CSMD2: variants seen among roughly 807,000 people sequenced by gnomAD.
CSMD2 encodes CUB and sushi domain-containing protein 2.
CSMD2 carries 130 observed loss-of-function variants against 398.5 expected under a neutral mutation model. The ratio of observed to expected loss-of-function variants is 0.33; its 90% CI spans 0.28 to 0.38. The LOEUF is 0.38. Among genes scored for constraint, CSMD2 ranks in the 10% least tolerant of loss-of-function variants. The pLI, the probability that CSMD2 is intolerant of heterozygous loss-of-function variation, is 1.00. For missense variants in CSMD2, 3,829 were observed against 4,764.9 expected (o/e 0.80, Z 5.78); for synonymous variants, 1,828 against 1,908.5 (o/e 0.96, Z 1.10).
At chr1:33,901,819 C>T (rs1247467960) in intron 5 of CSMD2, among the ~76,000 whole-genome samples, 2 of 152,060 alleles carry the variant, frequency 1.3e-5, no homozygotes, top group Non-Finnish European at 2.9e-5. Flanking sequence ...ATGTGCTTGC[C>T]CAAACTCACG....
At chr1:33,961,580 G>A (rs1473363650) in intron 3 of CSMD2, among the ~76,000 whole-genome samples, 2 of 152,218 alleles carry the variant, frequency 1.3e-5, no homozygotes, top group Non-Finnish European at 2.9e-5. Flanking sequence ...CCTCATCAGT[G>A]AGATGAGAGT....
rs143859018 is a variant in CSMD2, at chr1:33,569,015, T to C, written c.8131+359A>G. Among the ~76,000 whole-genome samples, 18 of 152,320 alleles carry C rather than the reference T, an allele frequency of 1.2e-4. No individual in the cohort carries two copies. The East Asian group carries it at 3.5e-3, about 29-fold the overall frequency. Reference sequence around the variant, plus strand: ...GTGTGTAAAATTTGCTAATAGATAATATAAAAGGTATTTTAGGTGTGTTAC... The same window carrying C: ...GTGTGTAAAATTTGCTAATAGATAACATAAAAGGTATTTTAGGTGTGTTAC... On this transcript the variant is annotated intron_variant, in intron 52 of 70. Coordinates refer to ENST00000373381, the MANE Select transcript of CSMD2 (RefSeq NM_001281956.2).
At chr1:34,109,951 G>C (rs764147824) in intron 1 of CSMD2, among the ~76,000 whole-genome samples, 1 of 141,982 alleles carries the variant, frequency 7.0e-6, no homozygotes, top group Non-Finnish European at 1.5e-5. Context: ...TGAGGCAGGA[G>C]AATCGGGTGA....
At chr1:33,925,885 G>A (rs570711485) in intron 4 of CSMD2, among the ~76,000 whole-genome samples, 1 of 152,110 alleles carries the variant, frequency 6.6e-6, no homozygotes, top group South Asian at 2.1e-4. Flanking sequence ...GCCTTTGAAA[G>A]TGTTATTTTC....
At chr1:33,739,707 C>T (rs972782344) in intron 14 of CSMD2, among the ~76,000 whole-genome samples, 1 of 152,152 alleles carries the variant, frequency 6.6e-6, no homozygotes, top group African/African-American at 2.4e-5. Context: ...GATCTGTCTC[C>T]TCAATGTCAA....
chr1:33,955,092 C>A (rs935544816), intron 3 of CSMD2, among the ~76,000 whole-genome samples: 1 of 152,184 alleles, frequency 6.6e-6, no homozygotes, highest in Non-Finnish European at 1.5e-5. Context: ...AGAGGACGAT[C>A]CCGAGTAGAA....
intron 23 of CSMD2, 47 bp downstream of exon 23, chr1:33,700,470 T>A: frequency 6.3e-7 from 1 of 1,596,390 alleles, no homozygotes; most frequent in Non-Finnish European, 8.6e-7. Context: ...ATGAATAAAA[T>A]GGGAAACCCT....
chr1:34,107,436 C>T (rs911555227), intron 1 of CSMD2, among the ~76,000 whole-genome samples: 5 of 152,050 alleles, frequency 3.3e-5, no homozygotes, highest in African/African-American at 1.2e-4. Flanking sequence ...TAATTCATTC[C>T]ATCCTCACAA....
chr1:33,901,004 CA>C (rs1262205294), intron 5 of CSMD2, among the ~76,000 whole-genome samples: 3 of 152,052 alleles, frequency 2.0e-5, no homozygotes, highest in African/African-American at 7.3e-5. Context: ...GCAGAGGGAA[CA>C]AAATGGGAAA....
intron 3 of CSMD2, among the ~76,000 whole-genome samples, chr1:34,003,457 T>C (rs967514312): frequency 2.6e-5 from 4 of 152,178 alleles, no homozygotes; most frequent in Non-Finnish European, 5.9e-5. Flanking sequence ...GCATCCATCA[T>C]GCCCAGACTG....
intron 41 of CSMD2, among the ~76,000 whole-genome samples, 192 bp from the exon 42 acceptor site, chr1:33,605,662 G>A (rs1249718312): frequency 6.6e-6 from 1 of 152,156 alleles, no homozygotes; most frequent in South Asian, 2.1e-4. Context: ...TTATTTTGAG[G>A]ACTAAGTAGG....
At chr1:34,027,364 T>G (rs1478019868) in intron 3 of CSMD2, among the ~76,000 whole-genome samples, 2 of 152,228 alleles carry the variant, frequency 1.3e-5, no homozygotes, top group African/African-American at 4.8e-5. Context: ...TGAAACTGAC[T>G]TGTAACACTG....
intron 4 of CSMD2, among the ~76,000 whole-genome samples, chr1:33,926,327 T>C (rs1644126022): frequency 6.6e-6 from 1 of 152,184 alleles, no homozygotes; most frequent in Admixed American, 6.5e-5. Flanking sequence ...GATGGTAGTC[T>C]CCTCCACATC....
chr1:33,901,919 T>C (rs1642782467), intron 5 of CSMD2, among the ~76,000 whole-genome samples: 1 of 152,226 alleles, frequency 6.6e-6, no homozygotes, highest in Admixed American at 6.5e-5. Flanking sequence ...CATTTCATAA[T>C]GGGCAGAATC....
chr1:33,828,656 G>A (rs964979118), intron 6 of CSMD2, among the ~76,000 whole-genome samples: 8 of 152,086 alleles, frequency 5.3e-5, no homozygotes, highest in Non-Finnish European at 7.4e-5. Context: ...GAGGGGAGGC[G>A]ATGCTAAGAG....
At chr1:33,602,661 G>T in intron 42 of CSMD2, 115 bp from the exon 43 acceptor site, 1 of 966,614 alleles carries the variant, frequency 1.0e-6, no homozygotes, top group Non-Finnish European at 1.5e-6. Flanking sequence ...CAGGGAGGTT[G>T]GGTGGGATGC....
chr1:34,095,590 C>G (rs985158291), intron 1 of CSMD2, among the ~76,000 whole-genome samples: 2 of 152,034 alleles, frequency 1.3e-5, no homozygotes, highest in African/African-American at 4.8e-5. Context: ...CACCACTGAT[C>G]CCACAGAAAT....
rs767996003 is a variant in CSMD2, at chr1:33,725,352, C to T, written c.2692G>A (p.Glu898Lys). ...TCCTGAGCCCACTGAGACTCACTCT[C>T]ATAGCGGAGCTGGAAGCCGATGTCC... ...HSDIGFQLRYETITLQSDHCL... is the reference protein window; with the variant it reads ...HSDIGFQLRYKTITLQSDHCL... The change falls in exon 17 of 71, where the codon GAG (glutamate) becomes AAG (lysine). Residue 898 changes from glutamate (E) to lysine (K), a missense_variant. By Grantham distance (56) the Glu-to-Lys change is moderately conservative. This residue lies in a region of CSMD2 where 2,001 missense variants were observed against 2,567.1 expected (regional missense o/e 0.78). Coordinates refer to ENST00000373381, the MANE Select transcript of CSMD2 (RefSeq NM_001281956.2). 2 of 1,613,666 alleles carry T rather than the reference C, an allele frequency of 1.2e-6. No homozygotes were observed. Among genetic ancestry groups the T allele is most frequent in the Non-Finnish European group, 1.7e-6 (2 of 1,179,704 alleles).
At chr1:33,761,344 G>A (rs945134681) in intron 13 of CSMD2, among the ~76,000 whole-genome samples, 13 of 152,230 alleles carry the variant, frequency 8.5e-5, no homozygotes, top group African/African-American at 2.9e-4. Flanking sequence ...GATCCTATGA[G>A]TGATACTCGT....
Sources: allele counts gnomAD v4.1 joint callset (sites outside exome capture counted in the v4.1 genomes callset), GRCh38; gene constraint gnomAD v4.1.1; regional missense constraint gnomAD v4.1.1; transcripts MANE v1.5; gene names NCBI Gene and HGNC (gene_info 2026-07-23, HGNC 2026-07-21).